The following RNF212B variants were observed in gnomAD, a reference collection of about 807,000 sequenced individuals.
The protein encoded by RNF212B is E3 ubiquitin-protein ligase RNF212B.
Under a neutral mutation model 55.5 loss-of-function variants are expected in RNF212B, and 52 were observed. The observed-to-expected ratio is 0.94, with a 90% CI of 0.75 to 1.18. RNF212B has a LOEUF of 1.18. Among genes scored for constraint, RNF212B ranks in the 50% most tolerant of loss-of-function variants. The probability of loss-of-function intolerance (pLI) is 0.00; values close to 1 mark genes in which losing one functional copy is unlikely to be tolerated. For missense variants in RNF212B, 289 were observed against 350.4 expected, an observed-to-expected ratio of 0.82 and a Z score of 1.40; for synonymous variants, 99 against 121.4, an observed-to-expected ratio of 0.82 and a Z score of 1.21.
intron 2 of RNF212B, among the ~76,000 whole-genome samples, chr14:23,200,585 C>CAA (rs1411891585): frequency 6.6e-6 from 1 of 152,170 alleles, no homozygotes; most frequent in East Asian, 1.9e-4. Context: ...CTCGGCCTCC[C>CAA]AAAGTGCTGG....
intron 7 of RNF212B, 97 bp downstream of exon 7, chr14:23,260,784 T>G: frequency 5.7e-5 from 64 of 1,131,400 alleles, no homozygotes; most frequent in Non-Finnish European, 7.9e-5. Context: ...AGAAAATGGT[T>G]AATGAATTTA....
intron 11 of RNF212B, among the ~76,000 whole-genome samples, chr14:23,267,680 C>T (rs371944416): frequency 6.6e-6 from 1 of 152,108 alleles, no homozygotes; most frequent in Non-Finnish European, 1.5e-5. Flanking sequence ...CTGCCTGCCT[C>T]GGCCTCCCAA....
intron 3 of RNF212B, among the ~76,000 whole-genome samples, chr14:23,243,730 AAG>A (rs1883785688): frequency 6.7e-6 from 1 of 149,490 alleles, no homozygotes; most frequent in Non-Finnish European, 1.5e-5. Flanking sequence ...GCAAGCAAGC[AAG>A]CAAGCAAGCA....
intron 2 of RNF212B, among the ~76,000 whole-genome samples, chr14:23,208,964 T>C (rs557693675): frequency 2.0e-5 from 3 of 151,408 alleles, no homozygotes; most frequent in Non-Finnish European, 4.4e-5. Context: ...TTCATCGTGT[T>C]AGCCGGGATG....
upstream of RNF212B, among the ~76,000 whole-genome samples, chr14:23,236,757 G>T (rs2140428545): frequency 6.6e-6 from 1 of 152,092 alleles, no homozygotes. Flanking sequence ...AGACCAAAAA[G>T]TTTGAGAACT....
At chr14:23,247,338 T>C (rs1489012319) in intron 4 of RNF212B, among the ~76,000 whole-genome samples, 6 of 152,132 alleles carry the variant, frequency 3.9e-5, no homozygotes, top group Non-Finnish European at 7.3e-5. Flanking sequence ...GTGCAAACAC[T>C]ACTGCCTAAT....
chr14:23,222,030 A>G (rs1218053206), intron 2 of RNF212B, among the ~76,000 whole-genome samples: 1 of 152,166 alleles, frequency 6.6e-6, no homozygotes, highest in Admixed American at 6.5e-5. Context: ...GTCTACATCA[A>G]AAAGGAAGAA....
At chr14:23,232,773 TGGGAGGGAGGTGGGGGGGG>T (rs1566415419) in intron 2 of RNF212B, among the ~76,000 whole-genome samples, 1 of 119,604 alleles carries the variant, frequency 8.4e-6, no homozygotes, top group Non-Finnish European at 1.8e-5. Context: ...CCGCCCCGTC[TGGGAGGGAGGTGGGGGGGG>T]GGTCAGCCTC....
chr14:23,262,644 CTCT>C lies in RNF212B; in HGVS notation c.435-19_435-17del. ...CTCTGCCTAGAGAGATTAGAGCCGC[CTCT>C]TTTTTTTTCCCTTGCAGGTCAATCA... On this transcript the variant is annotated intron_variant, in intron 7 of 14. Transcript: ENST00000430154. 1 of 1,542,176 alleles carries C rather than the reference CTCT, an allele frequency of 6.5e-7. No individual in the cohort carries two copies. The highest frequency in any genetic ancestry group is 2.0e-5 in the Admixed American group (1 of 50,236).
rs377694199 is a variant in RNF212B at position 23,253,876 on chromosome 14, A to G, written c.229-4673A>G. On this transcript the variant is annotated intron_variant, in intron 4 of 14. Coordinates refer to ENST00000430154, the MANE Select transcript of RNF212B (RefSeq NM_001282322.3). Reference sequence around the variant, plus strand: ...TGTCAAAGAGATCGTGAATTTACCAATATCTTTAAAGTGAATTTCTAAAAC... The same window carrying G: ...TGTCAAAGAGATCGTGAATTTACCAGTATCTTTAAAGTGAATTTCTAAAAC... Among the ~76,000 whole-genome samples, 149 of 152,336 alleles carry G rather than the reference A, an allele frequency of 9.8e-4. 1 individual carries two copies. The South Asian group carries it at 0.012, about 12-fold the overall frequency.
intron 1 of RNF212B, among the ~76,000 whole-genome samples, chr14:23,188,867 A>T (rs765196276): frequency 2.0e-5 from 3 of 152,292 alleles, no homozygotes; most frequent in South Asian, 2.1e-4. Context: ...CCTGGCACTC[A>T]ATAAATATGA....
chr14:23,265,082 A>C (rs1885589821), intron 11 of RNF212B, among the ~76,000 whole-genome samples: 1 of 152,150 alleles, frequency 6.6e-6, no homozygotes, highest in Non-Finnish European at 1.5e-5. Flanking sequence ...CGGCCTCCCA[A>C]AGTGTTGGGA....
chr14:23,253,161 G>A (rs565456481), intron 4 of RNF212B, among the ~76,000 whole-genome samples: 28 of 151,970 alleles, frequency 1.8e-4, no homozygotes, highest in Non-Finnish European at 3.1e-4. Flanking sequence ...CTAAAAGATA[G>A]GAACTTTTTT....
chr14:23,272,095 A>G (rs1886133162), intron 14 of RNF212B, among the ~76,000 whole-genome samples: 1 of 152,166 alleles, frequency 6.6e-6, no homozygotes, highest in East Asian at 1.9e-4. Context: ...CAATGGGCAC[A>G]TGAGTTCATT....
At chr14:23,204,043 G>A (rs1401566405) in intron 2 of RNF212B, among the ~76,000 whole-genome samples, 1 of 152,114 alleles carries the variant, frequency 6.6e-6, no homozygotes, top group African/African-American at 2.4e-5. Flanking sequence ...GTCTATTCAT[G>A]TCCTTAGCCC....
Position 23,270,629 on chromosome 14 carries a change from A to C in RNF212B, c.802A>C (p.Ser268Arg). 3 of 1,550,578 alleles carry C rather than the reference A, an allele frequency of 1.9e-6. No individual in the cohort carries two copies. Among genetic ancestry groups the C allele is most frequent in the Non-Finnish European group, 1.7e-6 (2 of 1,146,638 alleles). Residue 268 changes from serine (S) to arginine (R), a missense_variant, in exon 14 of 15, where the codon AGT becomes CGT. Physicochemically the swap from Ser to Arg is moderately radical, Grantham distance 110. Transcript: ENST00000430154. ...AQRESTTTLE[S>R]LPSFQLPVLQ... ...GAGGGAGAGCACAACTACACTAGAG[A>C]GTCTTCCTAGTTTCCAGCTACCAGT...
chr14:23,209,038 G>C (rs557042570), intron 2 of RNF212B, among the ~76,000 whole-genome samples: 1 of 152,166 alleles, frequency 6.6e-6, no homozygotes, highest in Non-Finnish European at 1.5e-5. Context: ...GATTACAGGC[G>C]TGAGCCACCG....
intron 11 of RNF212B, among the ~76,000 whole-genome samples, 188 bp downstream of exon 11, chr14:23,264,859 T>C (rs1885568135): frequency 6.6e-6 from 1 of 151,906 alleles, no homozygotes; most frequent in African/African-American, 2.4e-5. Flanking sequence ...TTTACTCTTG[T>C]TGCCCAGGCT....
chr14:23,195,238 G>C (rs1236757182), intron 2 of RNF212B, among the ~76,000 whole-genome samples: 1 of 151,698 alleles, frequency 6.6e-6, no homozygotes, highest in Non-Finnish European at 1.5e-5. Context: ...GTCCAGCTTG[G>C]GCAACATAGT....
Sources: allele counts gnomAD v4.1 joint callset (sites outside exome capture counted in the v4.1 genomes callset), GRCh38; gene constraint gnomAD v4.1.1; transcripts MANE v1.5; gene names NCBI Gene and HGNC (gene_info 2026-07-23, HGNC 2026-07-21).